NRXN1: variants seen among roughly 807,000 people sequenced by gnomAD.
NRXN1 encodes the protein neurexin-1.
NRXN1 carries 39 observed loss-of-function variants against 150.9 expected under a neutral mutation model. The ratio of observed to expected loss-of-function variants is 0.26; its 90% CI spans 0.20 to 0.34. The LOEUF is 0.34. Among genes scored for constraint, NRXN1 ranks in the 10% least tolerant of loss-of-function variants. The probability of loss-of-function intolerance (pLI) is 1.00; values close to 1 mark genes in which losing one functional copy is unlikely to be tolerated. For synonymous variants in NRXN1, 924 were observed against 757.0 expected, an observed-to-expected ratio of 1.22 and a Z score of -3.62; for missense variants, 1,815 against 1,949.9, an observed-to-expected ratio of 0.93 and a Z score of 1.30.
chr2:49,946,709 A>C (rs1005194827), intron 21 of NRXN1, among the ~76,000 whole-genome samples: 4 of 151,950 alleles, frequency 2.6e-5, no homozygotes, highest in Non-Finnish European at 5.9e-5. Flanking sequence ...ACTAGAAAAA[A>C]CTACTTTATA....
chr2:50,984,614 T>C (rs1697397629), intron 2 of NRXN1, among the ~76,000 whole-genome samples: 2 of 152,080 alleles, frequency 1.3e-5, no homozygotes, highest in Admixed American at 1.3e-4. Flanking sequence ...GATTAATATT[T>C]CCAAAATACT....
intron 17 of NRXN1, among the ~76,000 whole-genome samples, chr2:50,269,922 A>C (rs902589462): frequency 6.6e-6 from 1 of 152,182 alleles, no homozygotes; most frequent in Admixed American, 6.5e-5. Context: ...ATAAACTCAG[A>C]CTTTAAATTC....
chr2:50,322,893 A>G (rs1158328181), intron 17 of NRXN1, among the ~76,000 whole-genome samples: 2 of 152,188 alleles, frequency 1.3e-5, no homozygotes, highest in African/African-American at 4.8e-5. Flanking sequence ...CACCTACTCT[A>G]AAATGATGAT....
chr2:50,617,143 C>T (rs577222751), intron 8 of NRXN1, among the ~76,000 whole-genome samples: 6 of 152,206 alleles, frequency 3.9e-5, no homozygotes, highest in African/African-American at 1.4e-4. Context: ...ACTAAAAAGC[C>T]CTCCAAAGTG....
intron 18 of NRXN1, chr2:50,199,096 A>G (rs532307702): frequency 1.3e-5 from 2 of 152,290 alleles, no homozygotes; most frequent in African/African-American, 4.8e-5. Context: ...ATACTTTTCA[A>G]TTAGCACCTG....
chr2:50,520,178 T>C (rs887845364), intron 12 of NRXN1, among the ~76,000 whole-genome samples: 8 of 152,092 alleles, frequency 5.3e-5, no homozygotes, highest in African/African-American at 1.9e-4. Context: ...TACTTTTATG[T>C]ATTTTCTGTT....
chr2:50,243,913 G>T (rs963655013), intron 17 of NRXN1, among the ~76,000 whole-genome samples: 5 of 151,710 alleles, frequency 3.3e-5, no homozygotes, highest in Admixed American at 1.3e-4. Context: ...AAACAATTGA[G>T]AAAATGAAAT....
intron 17 of NRXN1, among the ~76,000 whole-genome samples, chr2:50,239,734 T>TATATATATATA (rs1472057614): frequency 1.5e-5 from 2 of 132,064 alleles, no homozygotes; most frequent in African/African-American, 5.6e-5. Flanking sequence ...GAAATATTTC[T>TATATATATATA]GTTATCATAA....
intron 17 of NRXN1, among the ~76,000 whole-genome samples, chr2:50,364,820 C>T (rs2079474674): frequency 6.6e-6 from 1 of 151,804 alleles, no homozygotes; most frequent in African/African-American, 2.4e-5. Flanking sequence ...TAGATAGTAC[C>T]CTCTTTTGTA....
intron 18 of NRXN1, among the ~76,000 whole-genome samples, chr2:50,176,465 C>T (rs539122094): frequency 8.5e-5 from 13 of 152,132 alleles, no homozygotes; most frequent in South Asian, 2.1e-4. Context: ...TGCCTGGCCT[C>T]GACTCATTAG....
intron 17 of NRXN1, among the ~76,000 whole-genome samples, chr2:50,294,255 A>G (rs964567719): frequency 5.3e-5 from 8 of 152,214 alleles, no homozygotes; most frequent in Non-Finnish European, 1.0e-4. Flanking sequence ...ATTGCCAGGT[A>G]GTTATCTGTA....
intron 8 of NRXN1, among the ~76,000 whole-genome samples, chr2:50,617,819 C>T (rs933177283): frequency 6.6e-5 from 10 of 152,076 alleles, no homozygotes; most frequent in African/African-American, 2.4e-4. Flanking sequence ...CTTTATTTAT[C>T]AATTCATAAA....
At chr2:50,194,165 T>G (rs1371102458) in intron 18 of NRXN1, among the ~76,000 whole-genome samples, 2 of 152,252 alleles carry the variant, frequency 1.3e-5, no homozygotes, top group African/African-American at 2.4e-5. Flanking sequence ...TTACAGAAAT[T>G]TATCTGAATA....
At chr2:50,120,818 T>A (rs1233044018) in intron 18 of NRXN1, among the ~76,000 whole-genome samples, 2 of 152,210 alleles carry the variant, frequency 1.3e-5, no homozygotes, top group East Asian at 3.8e-4. Context: ...TGGCAACAAC[T>A]GATGCCACAA....
intron 18 of NRXN1, among the ~76,000 whole-genome samples, chr2:50,166,323 G>C (rs903633675): frequency 7.9e-6 from 1 of 126,290 alleles, no homozygotes. Context: ...GTGTGTGTGT[G>C]TTTGTGTGTG....
chr2:50,651,729 C>T (rs760457009), intron 5 of NRXN1, among the ~76,000 whole-genome samples: 5 of 151,994 alleles, frequency 3.3e-5, no homozygotes, highest in Non-Finnish European at 5.9e-5. Flanking sequence ...TCTCCTTACA[C>T]CATCCCTTCT....
chr2:50,158,112 G>A (rs1019402955), intron 18 of NRXN1, among the ~76,000 whole-genome samples: 1 of 141,492 alleles, frequency 7.1e-6, no homozygotes, highest in East Asian at 2.1e-4. Flanking sequence ...TGTGTGTAGG[G>A]GGAGTCAAAT....
At chr2:50,722,205 G>C (rs1370992007) in intron 5 of NRXN1, among the ~76,000 whole-genome samples, 1 of 151,932 alleles carries the variant, frequency 6.6e-6, no homozygotes, top group African/African-American at 2.4e-5. Flanking sequence ...ATTATTTCTA[G>C]GCTAGATGTT....
At chr2:50,176,714 G>C (rs2060374219) in intron 18 of NRXN1, among the ~76,000 whole-genome samples, 1 of 152,058 alleles carries the variant, frequency 6.6e-6, no homozygotes, top group South Asian at 2.1e-4. Flanking sequence ...TATTCACCTT[G>C]TACATAACAT....
Sources: allele counts gnomAD v4.1 joint callset (sites outside exome capture counted in the v4.1 genomes callset), GRCh38; gene constraint gnomAD v4.1.1; transcripts MANE v1.5; gene names NCBI Gene and HGNC (gene_info 2026-07-23, HGNC 2026-07-21).